The following CD99 variants were observed in gnomAD, a reference collection of about 807,000 sequenced individuals.
The protein encoded by CD99 is CD99 molecule (Xg blood group), also known as CD99 antigen.
Under a neutral mutation model 28.4 loss-of-function variants are expected in CD99, and 19 were observed. That is an observed-to-expected ratio of 0.67 (90% CI 0.47 to 0.98). CD99 has a LOEUF of 0.98. CD99 is among the 50% of genes least tolerant of loss of function. CD99 has a pLI of 0.00. For synonymous variants in CD99, 103 were observed against 92.1 expected (o/e 1.12, Z -0.67); for missense variants, 283 against 248.8 (o/e 1.14, Z -0.92).
intron 1 of CD99, among the ~76,000 whole-genome samples, chrX:2,709,395 C>T (rs1348877464): frequency 1.3e-5 from 2 of 152,238 alleles, no homozygotes; most frequent in African/African-American, 4.8e-5. Context: ...CATATGCACA[C>T]AAGCACACAG....
At chrX:2,724,497 G>A (rs531879808) in intron 7 of CD99, among the ~76,000 whole-genome samples, 23 of 152,292 alleles carry the variant, frequency 1.5e-4, no homozygotes, top group African/African-American at 5.3e-4. Context: ...GGCCAGGCAC[G>A]CTGGCTCATG....
chrX:2,730,329 C>T (rs1021696888), intron 8 of CD99, among the ~76,000 whole-genome samples: 23 of 150,192 alleles, frequency 1.5e-4, no homozygotes, highest in African/African-American at 5.8e-4. Context: ...CGTGCCACCA[C>T]GTCCAGCTAA....
At chrX:2,726,029 C>A (rs1044207987) in intron 7 of CD99, among the ~76,000 whole-genome samples, 2 of 152,184 alleles carry the variant, frequency 1.3e-5, no homozygotes, top group African/African-American at 4.8e-5. Flanking sequence ...CCACTCCCTC[C>A]ATGGTCTGAC....
At chrX:2,724,629 G>C (rs1321441980) in intron 7 of CD99, among the ~76,000 whole-genome samples, 7 of 152,116 alleles carry the variant, frequency 4.6e-5, no homozygotes, top group African/African-American at 1.4e-4. Flanking sequence ...ATTAGGCCAG[G>C]TGTGGTGGCT....
At chrX:2,714,616 T>C (rs2048598715) in intron 2 of CD99, 162 bp downstream of exon 2, 1 of 580,236 alleles carries the variant, frequency 1.7e-6, no homozygotes, top group Admixed American at 2.8e-5. Flanking sequence ...ATGTTTACTC[T>C]CAACTGTAGT....
intron 1 of CD99, among the ~76,000 whole-genome samples, chrX:2,708,933 C>A (rs1017918): frequency 0.1 from 15,815 of 151,900 alleles, 1,478 homozygotes; most frequent in African/African-American, 0.24. Flanking sequence ...TCCATGGGGG[C>A]ATTGGGGTCA....
chrX:2,703,163 G>A (rs377076456), intron 1 of CD99, among the ~76,000 whole-genome samples: 16 of 152,132 alleles, frequency 1.1e-4, no homozygotes, highest in Admixed American at 2.6e-4. Flanking sequence ...TCGGGCCAGC[G>A]CGTACTGTCA....
chrX:2,728,352 C>T (rs780877836), intron 8 of CD99, among the ~76,000 whole-genome samples: 1 of 151,824 alleles, frequency 6.6e-6, no homozygotes, highest in African/African-American at 2.4e-5. Context: ...TGCACCACCA[C>T]GCACAGCTAA....
chrX:2,739,152 A>G (rs2050085329), intron 9 of CD99, among the ~76,000 whole-genome samples: 1 of 152,114 alleles, frequency 6.6e-6, no homozygotes, highest in Non-Finnish European at 1.5e-5. Flanking sequence ...TCTAGGCGTG[A>G]ACTACCGCAC....
chrX:2,708,372 TAA>T (rs1206581831), intron 1 of CD99, among the ~76,000 whole-genome samples: 1 of 152,032 alleles, frequency 6.6e-6, no homozygotes, highest in Non-Finnish European at 1.5e-5. Context: ...GGAGCTGTCT[TAA>T]GTGTTAGTCA....
chrX:2,714,566 A>T (rs2048596482), intron 2 of CD99, 112 bp downstream of exon 2: 1 of 903,220 alleles, frequency 1.1e-6, no homozygotes, highest in African/African-American at 1.6e-5. Context: ...CAATAACAGG[A>T]GTCATAGCAA....
intron 9 of CD99, among the ~76,000 whole-genome samples, chrX:2,739,414 T>C (rs192684972): frequency 3.1e-4 from 47 of 152,180 alleles, no homozygotes; most frequent in African/African-American, 1.1e-3. Flanking sequence ...AGCTGTCAAA[T>C]TGAGAGGGAT....
At chrX:2,730,516 G>T (rs2049544592) in intron 8 of CD99, among the ~76,000 whole-genome samples, 1 of 151,946 alleles carries the variant, frequency 6.6e-6, no homozygotes, top group Admixed American at 6.6e-5. Context: ...TGAAGAATTG[G>T]CTCAGGGGAG....
chrX:2,716,757 C>T (rs1415626157), intron 2 of CD99, among the ~76,000 whole-genome samples: 1 of 152,224 alleles, frequency 6.6e-6, no homozygotes, highest in Non-Finnish European at 1.5e-5. Context: ...CCACCTACCC[C>T]TTCTTGGCCC....
chrX:2,728,195 T>TG (rs1177987517), intron 8 of CD99, among the ~76,000 whole-genome samples: 2 of 148,792 alleles, frequency 1.3e-5, no homozygotes, highest in African/African-American at 5.0e-5. Flanking sequence ...GGTGTTTGGT[T>TG]GTTTCTTTTT....
chrX:2,700,582 A>ATCCC (rs1206559203), intron 1 of CD99, among the ~76,000 whole-genome samples: 1 of 150,966 alleles, frequency 6.6e-6, no homozygotes, highest in Non-Finnish European at 1.5e-5. Flanking sequence ...CCATCCATCC[A>ATCCC]TCCGTCGTCC....
At position 2,714,411 on chromosome X, in the gene CD99, TTCTC is replaced by T; in HGVS notation, c.68-7_68-4del. 6.3e-7 allele frequency: 1 copy of T among 1,579,886 alleles called. No homozygotes were observed. Among genetic ancestry groups the T allele is most frequent in the Non-Finnish European group, 8.7e-7 (1 of 1,154,830 alleles). ...TCTTGTTTCTAAGTTGACTCTTTTT[TTCTC>T]TCTTAGATGGTGGTTTCGATTTATC... On this transcript the variant is annotated splice_polypyrimidine_tract_variant and splice_region_variant and intron_variant, in intron 1 of 9. Coordinates refer to ENST00000381192, the MANE Select transcript of CD99 (RefSeq NM_002414.5).
At chrX:2,695,179 C>T (rs192929120) in intron 1 of CD99, among the ~76,000 whole-genome samples, 52 of 151,922 alleles carry the variant, frequency 3.4e-4, no homozygotes, top group African/African-American at 1.3e-3. Flanking sequence ...GAAATAAGAC[C>T]TGTGTGTCTC....
intron 4 of CD99, 106 bp from the exon 5 acceptor site, chrX:2,720,250 G>A (rs2048928513): frequency 3.0e-6 from 3 of 1,000,904 alleles, no homozygotes; most frequent in African/African-American, 3.2e-5. Context: ...CCAGGACAAA[G>A]GCCAAGGTCC....
Sources: allele counts gnomAD v4.1 joint callset (sites outside exome capture counted in the v4.1 genomes callset), GRCh38; gene constraint gnomAD v4.1.1; transcripts MANE v1.5; gene names NCBI Gene and HGNC (gene_info 2026-07-23, HGNC 2026-07-21).